The following CAPRIN1 variants were observed in gnomAD, a reference collection of about 807,000 sequenced individuals.
The protein encoded by CAPRIN1 is caprin-1.
In CAPRIN1, 29 loss-of-function variants were observed where a neutral mutation model predicts 100.9. The observed-to-expected ratio is 0.29, with a 90% CI of 0.21 to 0.39. CAPRIN1 has a LOEUF of 0.39. Ranked by LOEUF, CAPRIN1 falls within the 10% of genes least tolerant of loss-of-function variation. The probability of loss-of-function intolerance (pLI) is 1.00; values close to 1 mark genes in which losing one functional copy is unlikely to be tolerated. For missense variants in CAPRIN1, 795 were observed against 876.7 expected (o/e 0.91, Z 1.18); for synonymous variants, 338 against 307.5 (o/e 1.10, Z -1.04).
chr11:34,095,952 T>C (rs1400732623), intron 15 of CAPRIN1: 1 of 152,236 alleles, frequency 6.6e-6, no homozygotes, highest in African/African-American at 2.4e-5. Flanking sequence ...AGGCCTCTGC[T>C]GATTAAACTA....
intron 15 of CAPRIN1, among the ~76,000 whole-genome samples, chr11:34,092,310 A>G (rs944967399): frequency 9.9e-5 from 15 of 151,720 alleles, no homozygotes; most frequent in African/African-American, 3.6e-4. Flanking sequence ...GTTGCATTGT[A>G]TAATTTATAT....
At chr11:34,078,431 T>TA (rs1850946896) in intron 6 of CAPRIN1, among the ~76,000 whole-genome samples, 1 of 152,232 alleles carries the variant, frequency 6.6e-6, no homozygotes. Context: ...CCTGCACTTT[T>TA]AAAAAATACC....
intron 4 of CAPRIN1, among the ~76,000 whole-genome samples, chr11:34,074,856 G>C (rs1219578420): frequency 6.6e-6 from 1 of 152,036 alleles, no homozygotes; most frequent in African/African-American, 2.4e-5. Flanking sequence ...GGGCAACAGA[G>C]TGAGACTCCA....
intron 7 of CAPRIN1, among the ~76,000 whole-genome samples, chr11:34,080,768 C>T (rs1377617221): frequency 6.6e-6 from 1 of 152,148 alleles, no homozygotes; most frequent in Non-Finnish European, 1.5e-5. Context: ...ACTCTTGTAC[C>T]TCAGGTTCCC....
intron 6 of CAPRIN1, among the ~76,000 whole-genome samples, chr11:34,078,261 A>T (rs576149727): frequency 1.3e-5 from 2 of 152,210 alleles, no homozygotes; most frequent in Non-Finnish European, 2.9e-5. Context: ...TTGGTAGTTT[A>T]TTAAGATTAA....
Position 34,076,553 on chromosome 11 carries a change from T to C in CAPRIN1, c.606-7T>C, listed in dbSNP as rs1850911006. On this transcript the variant is annotated splice_polypyrimidine_tract_variant and splice_region_variant and intron_variant, in intron 5 of 18. Transcript: ENST00000341394. ...AAGGTTATTAATTAGCTATTTACTA[T>C]TAAAAGGTTGAATGAACAGTATGAA... The C allele has an allele frequency of 1.2e-6, 2 of 1,612,810 alleles. No homozygotes were observed. The highest frequency in any genetic ancestry group is 3.3e-5 in the Admixed American group (2 of 59,964).
rs1412356247 is a variant in CAPRIN1, at chr11:34,065,060, C to T, written c.217-6666C>T. On this transcript the variant is annotated intron_variant, in intron 2 of 18. Transcript: ENST00000341394. The stretch of plus-strand genomic sequence containing the variant: ...CTGCAAGCTCCACCTCCCGGGTTCT[C>T]ACCTTTCTCCTGCCTCAGCCTCCTG... Among the ~76,000 whole-genome samples, 3 of 147,376 alleles carry T rather than the reference C, an allele frequency of 2.0e-5. No homozygotes were observed. The East Asian group carries it at 6.2e-4, about 31-fold the overall frequency.
At chr11:34,072,494 C>T (rs544269349) in intron 4 of CAPRIN1, among the ~76,000 whole-genome samples, 19 of 152,002 alleles carry the variant, frequency 1.2e-4, no homozygotes, top group Non-Finnish European at 2.8e-4. Context: ...TATCATGTTC[C>T]TTATGTCTAA....
At chr11:34,095,139 GC>G (rs1851344328) in intron 15 of CAPRIN1, among the ~76,000 whole-genome samples, 1 of 152,054 alleles carries the variant, frequency 6.6e-6, no homozygotes, top group Non-Finnish European at 1.5e-5. Flanking sequence ...CAAGTAATCT[GC>G]TCAGCTTGGC....
intron 2 of CAPRIN1, among the ~76,000 whole-genome samples, chr11:34,065,394 C>T (rs1396018674): frequency 6.6e-6 from 1 of 152,202 alleles, no homozygotes; most frequent in Admixed American, 6.5e-5. Flanking sequence ...CAAACTTAAG[C>T]ATGCATCAGA....
chr11:34,070,470 C>A (rs1850786643), intron 2 of CAPRIN1, among the ~76,000 whole-genome samples: 1 of 152,196 alleles, frequency 6.6e-6, no homozygotes, highest in Non-Finnish European at 1.5e-5. Flanking sequence ...TTTCAGCTAA[C>A]TGCAGCCTTC....
intron 7 of CAPRIN1, among the ~76,000 whole-genome samples, chr11:34,082,565 A>G (rs544504781): frequency 7.9e-5 from 12 of 152,198 alleles, no homozygotes; most frequent in South Asian, 2.1e-4. Flanking sequence ...TTTACTTTCT[A>G]CCCTCACAGA....
rs1027271076 is a variant in CAPRIN1 at position 34,051,758 on chromosome 11, G to C, written c.-114G>C. 1.3e-5 allele frequency: 2 copies of C among 152,400 alleles called. No homozygotes were observed. The highest frequency in any genetic ancestry group is 2.4e-5 in the African/African-American group (1 of 41,464). The allele number at this position is 152,400 out of a possible 1,614,324, so 9.4% of individuals were successfully genotyped here. On this transcript the variant is annotated 5_prime_UTR_variant, in exon 1 of 19. Coordinates refer to ENST00000341394, the MANE Select transcript of CAPRIN1 (RefSeq NM_005898.5). Reference sequence around the variant, plus strand: ...CTAGGAGCGGCTCTCGGTGCAGCGGGACAGGGCGAAGCGGCCTGCGCCCAC... The same window carrying C: ...CTAGGAGCGGCTCTCGGTGCAGCGGCACAGGGCGAAGCGGCCTGCGCCCAC...
At chr11:34,078,480 A>G (rs1850947969) in intron 6 of CAPRIN1, among the ~76,000 whole-genome samples, 1 of 152,188 alleles carries the variant, frequency 6.6e-6, no homozygotes, top group African/African-American at 2.4e-5. Context: ...TTTGTTTTTG[A>G]ATATCTTTCG....
chr11:34,096,333 G>A (rs1851367082), intron 15 of CAPRIN1, 146 bp from the exon 16 acceptor site: 2 of 581,778 alleles, frequency 3.4e-6, no homozygotes, highest in African/African-American at 1.9e-5. Context: ...CTTTATTCAT[G>A]TGTAGTTTTT....
At chr11:34,097,174 C>A (rs774804940) in intron 16 of CAPRIN1, 22 bp from the exon 17 acceptor site, 7 of 1,515,528 alleles carry the variant, frequency 4.6e-6, no homozygotes, top group Non-Finnish European at 6.4e-6. Flanking sequence ...AAAATTATTT[C>A]TTTTCTTGTC....
At chr11:34,093,639 C>G (rs1201678801) in intron 15 of CAPRIN1, among the ~76,000 whole-genome samples, 2 of 152,154 alleles carry the variant, frequency 1.3e-5, no homozygotes, top group East Asian at 3.8e-4. Flanking sequence ...CTTCCATACT[C>G]TGATAGAAGT....
intron 2 of CAPRIN1, among the ~76,000 whole-genome samples, chr11:34,061,451 G>A (rs959514244): frequency 2.0e-5 from 3 of 151,744 alleles, no homozygotes; most frequent in African/African-American, 4.8e-5. Context: ...CAGGAGATTC[G>A]TCCACTTTGG....
chr11:34,052,530 C>T lies in CAPRIN1; in HGVS notation c.110C>T (p.Pro37Leu), dbSNP rs750433242. The part of the protein sequence containing the change: ...EAAAGAGAAA[P>L]ASQHPATGTG... ...GCCGCGGGAGCCGGGGCCGCCGCGC[C>T]GGCTTCTCAGCACCCCGCAACCGGC... Residue 37 changes from proline (P) to leucine (L), a missense_variant, in exon 2 of 19, where the codon CCG becomes CTG. Pro to Leu is a moderately conservative substitution (Grantham distance 98). Transcript: ENST00000341394. 3.7e-6 allele frequency: 6 copies of T among 1,605,754 alleles called. No homozygotes were observed. In the Admixed American group the frequency reaches 5.1e-5, roughly 14 times the overall value.
Sources: gnomAD v4.1 joint callset for allele counts (sites outside exome capture counted in the v4.1 genomes callset) on GRCh38, gnomAD v4.1.1 for gene constraint, MANE v1.5 for transcripts, NCBI Gene and HGNC (gene_info 2026-07-23, HGNC 2026-07-21) for gene names.